The following CCDC33 variants were observed in gnomAD, a reference collection of about 807,000 sequenced individuals.
CCDC33 encodes the protein coiled-coil domain containing 33, also known as coiled-coil domain-containing protein 33.
CCDC33 carries 94 observed loss-of-function variants against 91.9 expected under a neutral mutation model. The ratio of observed to expected loss-of-function variants is 1.02; its 90% CI spans 0.87 to 1.21. The LOEUF is 1.21. Among genes scored for constraint, CCDC33 ranks in the 50% most tolerant of loss-of-function variants. The pLI, the probability that CCDC33 is intolerant of heterozygous loss-of-function variation, is 0.00. For synonymous variants in CCDC33, 396 were observed against 374.5 expected, an observed-to-expected ratio of 1.06 and a Z score of -0.66; for missense variants, 940 against 935.5, an observed-to-expected ratio of 1.00 and a Z score of -0.06.
intron 11 of CCDC33, chr15:74,302,137 C>T (rs80175575): frequency 0.032 from 4,843 of 152,242 alleles, 108 homozygotes; most frequent in Middle Eastern, 0.11. Context: ...CTGAGCATAC[C>T]GCTTTTGTTT....
At chr15:74,268,538 T>C (rs560458988) in intron 5 of CCDC33, 80 bp downstream of exon 5, 1 of 1,094,466 alleles carries the variant, frequency 9.1e-7, no homozygotes, top group African/African-American at 1.5e-5. Context: ...GCCTTGCCCT[T>C]AGCCCCCTCT....
At chr15:74,259,057 A>G (rs1476273265) in intron 2 of CCDC33, among the ~76,000 whole-genome samples, 1 of 151,928 alleles carries the variant, frequency 6.6e-6, no homozygotes, top group Non-Finnish European at 1.5e-5. Context: ...TCTAAACCCA[A>G]CTCCAGTCCT....
intron 11 of CCDC33, chr15:74,301,479 C>G (rs1272440589): frequency 6.6e-6 from 1 of 152,312 alleles, no homozygotes; most frequent in African/African-American, 2.4e-5. Context: ...GCAAGCCATA[C>G]CCGGGGAGAC....
At chr15:74,251,413 C>A (rs1179832972) in intron 2 of CCDC33, among the ~76,000 whole-genome samples, 2 of 152,220 alleles carry the variant, frequency 1.3e-5, no homozygotes, top group African/African-American at 2.4e-5. Flanking sequence ...CACGGGGTGC[C>A]CCAGTGGACA....
At chr15:74,208,116 G>C (rs1273697920) in intron 1 of CCDC33, 5 of 1,093,058 alleles carry the variant, frequency 4.6e-6, no homozygotes, top group Non-Finnish European at 5.7e-6. Flanking sequence ...GAGGAGGGTA[G>C]CCGGCTGTGC....
chr15:74,301,584 C>A, intron 11 of CCDC33: 1 of 152,360 alleles, frequency 6.6e-6, no homozygotes. Context: ...TTTTTAACTG[C>A]CACACTTACC....
At chr15:74,291,046 G>A (rs543423089) in intron 10 of CCDC33, among the ~76,000 whole-genome samples, 3 of 151,708 alleles carry the variant, frequency 2.0e-5, no homozygotes, top group South Asian at 4.1e-4. Flanking sequence ...AATGTGCTTT[G>A]GGATTAACCC....
chr15:74,232,659 G>A (rs1328903938), upstream of CCDC33, among the ~76,000 whole-genome samples: 1 of 152,224 alleles, frequency 6.6e-6, no homozygotes. Flanking sequence ...GCTCATAGCT[G>A]TGTGATCTTG....
At chr15:74,228,730 G>A (rs1405758198) in intron 2 of CCDC33, among the ~76,000 whole-genome samples, 2 of 152,220 alleles carry the variant, frequency 1.3e-5, no homozygotes, top group African/African-American at 2.4e-5. Flanking sequence ...GCTTTTTGTC[G>A]GCGGGTGTTC....
downstream of CCDC33, chr15:74,336,339 A>G (rs1005857185): frequency 4.4e-6 from 6 of 1,367,128 alleles, no homozygotes; most frequent in African/African-American, 1.5e-5. Flanking sequence ...AGCAGGGGCC[A>G]GGGAGACGGG....
At chr15:74,309,476 C>G (rs2059951366) in intron 11 of CCDC33, among the ~76,000 whole-genome samples, 2 of 152,200 alleles carry the variant, frequency 1.3e-5, no homozygotes, top group Admixed American at 6.5e-5. Flanking sequence ...CTACTCGGCT[C>G]CCAGCCAGCA....
intron 11 of CCDC33, among the ~76,000 whole-genome samples, chr15:74,296,444 G>C (rs571032691): frequency 4.8e-4 from 73 of 152,178 alleles, no homozygotes; most frequent in Non-Finnish European, 4.1e-4. Flanking sequence ...GACCTACATG[G>C]AAAAACCCCG....
intron 11 of CCDC33, among the ~76,000 whole-genome samples, chr15:74,329,461 C>T (rs1044660542): frequency 2.0e-5 from 3 of 152,160 alleles, no homozygotes; most frequent in East Asian, 3.9e-4. Context: ...TACCTATCCA[C>T]GCAGGTCTGA....
chr15:74,321,027 C>T (rs2060196282), intron 11 of CCDC33, among the ~76,000 whole-genome samples: 1 of 151,996 alleles, frequency 6.6e-6, no homozygotes, highest in Admixed American at 6.6e-5. Context: ...GACTTCTTAG[C>T]CATGGTGAGC....
At chr15:74,221,225 T>TTG in intron 2 of CCDC33, 1 of 971,414 alleles carries the variant, frequency 1.0e-6, no homozygotes, top group South Asian at 4.9e-5. Flanking sequence ...GGTTTTTTTT[T>TTG]TTTTTTTTTT....
chr15:74,272,484 G>A (rs899764676), intron 6 of CCDC33, among the ~76,000 whole-genome samples: 4 of 152,166 alleles, frequency 2.6e-5, no homozygotes, highest in African/African-American at 7.2e-5. Context: ...GGTCTGTCTT[G>A]GTCACTTCCA....
chr15:74,257,088 G>A (rs2075888652), intron 2 of CCDC33, among the ~76,000 whole-genome samples: 1 of 152,216 alleles, frequency 6.6e-6, no homozygotes. Context: ...GCCTCCAGTT[G>A]GTGCCCTCCT....
chr15:74,335,818 A>G (rs1403601850), intron 18 of CCDC33, 107 bp from the exon 19 acceptor site: 3 of 846,728 alleles, frequency 3.5e-6, no homozygotes, highest in Non-Finnish European at 5.7e-6. Flanking sequence ...GTCATGGCCC[A>G]CTGGATTCTG....
intron 2 of CCDC33, among the ~76,000 whole-genome samples, chr15:74,262,016 C>T (rs921486096): frequency 4.2e-4 from 64 of 151,954 alleles, no homozygotes; most frequent in Non-Finnish European, 1.2e-4. Context: ...GAGAGGACAG[C>T]CAGGCGGGGC....
Sources: allele counts gnomAD v4.1 joint callset (sites outside exome capture counted in the v4.1 genomes callset), GRCh38; gene constraint gnomAD v4.1.1; transcripts MANE v1.5; gene names NCBI Gene and HGNC (gene_info 2026-07-23, HGNC 2026-07-21).